Variants in CCBE1 observed in about 807,000 individuals in gnomAD.
The protein encoded by CCBE1 is collagen and calcium-binding EGF domain-containing protein 1.
A neutral mutation model predicts 50.0 loss-of-function variants in CCBE1; 37 were observed. That is an observed-to-expected ratio of 0.74 (90% CI 0.57 to 0.97). The LOEUF (loss-of-function observed/expected upper bound fraction) is 0.97, where lower values mean the gene tolerates loss of function less well. CCBE1 is among the 50% of genes least tolerant of loss of function. CCBE1 has a pLI of 0.00. For synonymous variants in CCBE1, 234 were observed against 203.7 expected, an observed-to-expected ratio of 1.15 and a Z score of -1.27; for missense variants, 538 against 523.8, an observed-to-expected ratio of 1.03 and a Z score of -0.26.
chr18:59,587,330 G>A (rs575459424), intron 2 of CCBE1, among the ~76,000 whole-genome samples: 2 of 152,184 alleles, frequency 1.3e-5, no homozygotes, highest in South Asian at 2.1e-4. Context: ...GAATGGAAGT[G>A]TAACACTGAA....
chr18:59,487,498 C>T lies in CCBE1; in HGVS notation c.213-7260G>A, dbSNP rs1460910822. ...AAGAACAGAACTGAATAAAATCAGTCTCACATCTGAGCATGCTTGGTTCCA... is the reference window on the plus strand; with the variant it reads ...AAGAACAGAACTGAATAAAATCAGTTTCACATCTGAGCATGCTTGGTTCCA... On this transcript the variant is annotated intron_variant, in intron 2 of 10. Transcript: ENST00000439986. Among the ~76,000 whole-genome samples, 3 of 152,094 alleles carry T rather than the reference C, an allele frequency of 2.0e-5. No homozygotes were observed. In the East Asian group the frequency reaches 5.8e-4, roughly 29 times the overall value.
At chr18:59,444,200 T>C (rs900566798) in intron 7 of CCBE1, among the ~76,000 whole-genome samples, 1 of 133,948 alleles carries the variant, frequency 7.5e-6, no homozygotes, top group Non-Finnish European at 1.6e-5. Context: ...ACCTCTTGGC[T>C]ATTGTGAAAA....
intron 2 of CCBE1, among the ~76,000 whole-genome samples, chr18:59,650,832 C>G (rs28609145): frequency 0.022 from 3,298 of 151,502 alleles, 102 homozygotes; most frequent in African/African-American, 0.076. Flanking sequence ...TGGAAATAGG[C>G]TTAGTCCTCG....
At chr18:59,515,647 A>G (rs868094467) in intron 2 of CCBE1, among the ~76,000 whole-genome samples, 1 of 152,166 alleles carries the variant, frequency 6.6e-6, no homozygotes, top group Non-Finnish European at 1.5e-5. Context: ...AATAAACACT[A>G]CCTTAAAAGC....
chr18:59,487,191 A>T (rs1912864479), intron 2 of CCBE1, among the ~76,000 whole-genome samples: 1 of 150,540 alleles, frequency 6.6e-6, no homozygotes, highest in Non-Finnish European at 1.5e-5. Context: ...GAGACATAAA[A>T]ACTGGAGAAC....
At chr18:59,648,364 C>T (rs1490439848) in intron 2 of CCBE1, among the ~76,000 whole-genome samples, 1 of 152,186 alleles carries the variant, frequency 6.6e-6, no homozygotes, top group Admixed American at 6.5e-5. Flanking sequence ...AACCCTGTGA[C>T]AGACTAACCT....
At chr18:59,527,444 T>C (rs151326239) in intron 2 of CCBE1, among the ~76,000 whole-genome samples, 81 of 152,276 alleles carry the variant, frequency 5.3e-4, no homozygotes, top group African/African-American at 1.8e-3. Flanking sequence ...CTTGACTCTC[T>C]ACCCAGCTTG....
intron 2 of CCBE1, among the ~76,000 whole-genome samples, chr18:59,623,867 G>A (rs1314141467): frequency 6.6e-6 from 1 of 152,130 alleles, no homozygotes; most frequent in African/African-American, 2.4e-5. Context: ...GCTGAAAATA[G>A]AAAAAGAAAG....
At chr18:59,611,765 G>A (rs2053572353) in intron 2 of CCBE1, among the ~76,000 whole-genome samples, 1 of 151,938 alleles carries the variant, frequency 6.6e-6, no homozygotes, top group African/African-American at 2.4e-5. Flanking sequence ...AATAAAAAAA[G>A]GAAGCATTTT....
chr18:59,474,413 C>A (rs1912212683), intron 3 of CCBE1, among the ~76,000 whole-genome samples: 4 of 152,202 alleles, frequency 2.6e-5, no homozygotes, highest in Admixed American at 2.6e-4. Context: ...TTGGCCAGTG[C>A]ATTACAAGTT....
chr18:59,638,022 C>T (rs547632808), intron 2 of CCBE1, among the ~76,000 whole-genome samples: 1 of 152,098 alleles, frequency 6.6e-6, no homozygotes, highest in South Asian at 2.1e-4. Flanking sequence ...ACCAAAGACA[C>T]CATGAGAAAA....
chr18:59,603,158 G>A (rs1338269077), intron 2 of CCBE1, among the ~76,000 whole-genome samples: 1 of 152,202 alleles, frequency 6.6e-6, no homozygotes, highest in Non-Finnish European at 1.5e-5. Context: ...ATAGCCAAAT[G>A]CTAATCATTT....
intron 7 of CCBE1, among the ~76,000 whole-genome samples, chr18:59,445,146 T>C (rs1180892275): frequency 6.6e-6 from 1 of 152,192 alleles, no homozygotes; most frequent in African/African-American, 2.4e-5. Flanking sequence ...CTCTATGTTT[T>C]CTTCTAGGAT....
intron 2 of CCBE1, among the ~76,000 whole-genome samples, chr18:59,656,175 T>C (rs979147115): frequency 1.3e-5 from 2 of 152,226 alleles, no homozygotes; most frequent in South Asian, 4.1e-4. Context: ...ACAATTATAT[T>C]ATTAAATAAG....
chr18:59,689,791 TC>T (rs2054705087), intron 2 of CCBE1, among the ~76,000 whole-genome samples: 1 of 152,170 alleles, frequency 6.6e-6, no homozygotes, highest in African/African-American at 2.4e-5. Context: ...TAACACCTCC[TC>T]TTTGTAATGC....
At chr18:59,604,736 A>G (rs1386905660) in intron 2 of CCBE1, among the ~76,000 whole-genome samples, 3 of 152,240 alleles carry the variant, frequency 2.0e-5, no homozygotes, top group African/African-American at 7.2e-5. Flanking sequence ...TAATTTTGAG[A>G]TACATTAGAC....
At chr18:59,496,962 G>A (rs1392661369) in intron 2 of CCBE1, among the ~76,000 whole-genome samples, 1 of 152,164 alleles carries the variant, frequency 6.6e-6, no homozygotes, top group African/African-American at 2.4e-5. Flanking sequence ...TCATTTTGAT[G>A]AATTGATGTA....
chr18:59,515,066 A>C (rs1371696759), intron 2 of CCBE1, among the ~76,000 whole-genome samples: 2 of 152,226 alleles, frequency 1.3e-5, no homozygotes, highest in South Asian at 4.1e-4. Context: ...GGATATGTAA[A>C]GTAATACATA....
chr18:59,588,929 A>G (rs919448), intron 2 of CCBE1, among the ~76,000 whole-genome samples: 12,707 of 152,252 alleles, frequency 0.083, 551 homozygotes, highest in East Asian at 0.13. Context: ...CCCATGCACA[A>G]CTTCCCCAGT....
Sources: gnomAD v4.1 joint callset for allele counts (sites outside exome capture counted in the v4.1 genomes callset) on GRCh38, gnomAD v4.1.1 for gene constraint, MANE v1.5 for transcripts, NCBI Gene and HGNC (gene_info 2026-07-23, HGNC 2026-07-21) for gene names.